Variants in ASAP1 observed in about 807,000 individuals in gnomAD.
The protein encoded by ASAP1 is arf-GAP with SH3 domain, ANK repeat and PH domain-containing protein 1.
ASAP1 carries 43 observed loss-of-function variants against 145.2 expected under a neutral mutation model. The ratio of observed to expected loss-of-function variants is 0.30; its 90% CI spans 0.23 to 0.38. The LOEUF (loss-of-function observed/expected upper bound fraction) is 0.38. Among genes scored for constraint, ASAP1 ranks in the 10% least tolerant of loss-of-function variants. The pLI, the probability that ASAP1 is intolerant of heterozygous loss-of-function variation, is 1.00. For synonymous variants in ASAP1, 546 were observed against 515.5 expected (o/e 1.06, Z -0.80); for missense variants, 1,018 against 1,355.3 (o/e 0.75, Z 3.91).
At chr8:130,424,219 G>A (rs955222813) in intron 1 of ASAP1, among the ~76,000 whole-genome samples, 7 of 152,300 alleles carry the variant, frequency 4.6e-5, no homozygotes, top group Admixed American at 2.0e-4. Context: ...ATGAGACTGC[G>A]GCTGCCCATT....
At chr8:130,114,446 C>T (rs1168984661) in intron 23 of ASAP1, among the ~76,000 whole-genome samples, 2 of 152,164 alleles carry the variant, frequency 1.3e-5, no homozygotes, top group Admixed American at 6.5e-5. Context: ...AGGACACTTT[C>T]CATAAATGGA....
intron 3 of ASAP1, among the ~76,000 whole-genome samples, chr8:130,268,669 A>T (rs1820413403): frequency 1.3e-5 from 2 of 152,142 alleles, no homozygotes; most frequent in Admixed American, 1.3e-4. Context: ...AATAACTAAA[A>T]ATAGTTGGGT....
At position 130,401,916 on chromosome 8, in the gene ASAP1, T is replaced by C; in HGVS notation, c.28A>G (p.Ser10Gly). 6.2e-7 allele frequency: 1 copy of C among 1,613,624 alleles called. No homozygotes were observed. Among genetic ancestry groups the C allele is most frequent in the Non-Finnish European group, 8.5e-7 (1 of 1,179,918 alleles). The change falls in exon 2 of 30, where the codon AGT (serine) becomes GGT (glycine). Residue 10 changes from serine to glycine, a missense_variant. This residue lies in a region of ASAP1 where 106 missense variants were observed against 134.5 expected (regional missense o/e 0.79). Transcript: ENST00000518721. MRSSASRLS[S>G]FSSRDSLWNR... The stretch of plus-strand genomic sequence containing the variant: ...CATAGTGAATCTCTCGACGAAAAAC[T>C]GGAGAGCCTGGAGGCTGAAGATCTC...
At chr8:130,352,739 G>A (rs1315418661) in intron 3 of ASAP1, among the ~76,000 whole-genome samples, 1 of 152,054 alleles carries the variant, frequency 6.6e-6, no homozygotes, top group Admixed American at 6.5e-5. Flanking sequence ...GGTGAAAAAA[G>A]GTATTAAATA....
intron 2 of ASAP1, among the ~76,000 whole-genome samples, chr8:130,395,614 G>A (rs144086934): frequency 4.3e-4 from 66 of 152,224 alleles, no homozygotes; most frequent in African/African-American, 1.5e-3. Flanking sequence ...GAGGAAGCAC[G>A]ACACTGCCAA....
chr8:130,186,908 T>C (rs1019902489), intron 7 of ASAP1, among the ~76,000 whole-genome samples: 1 of 152,166 alleles, frequency 6.6e-6, no homozygotes, highest in South Asian at 2.1e-4. Flanking sequence ...TACAGAAACA[T>C]AAATGGTCCA....
chr8:130,267,953 A>G (rs1325195183), intron 3 of ASAP1, among the ~76,000 whole-genome samples: 1 of 152,168 alleles, frequency 6.6e-6, no homozygotes, highest in Non-Finnish European at 1.5e-5. Context: ...ACAAAGCAAC[A>G]TGGCAGCACA....
chr8:130,112,046 C>A, intron 24 of ASAP1, 48 bp downstream of exon 24: 1 of 1,542,616 alleles, frequency 6.5e-7, no homozygotes, highest in South Asian at 1.1e-5. Flanking sequence ...AGGATGGAGT[C>A]ACAAGCCCTT....
chr8:130,235,521 C>T (rs1381193554), intron 4 of ASAP1, among the ~76,000 whole-genome samples: 1 of 152,056 alleles, frequency 6.6e-6, no homozygotes, highest in East Asian at 1.9e-4. Context: ...GGGCCTACCA[C>T]AGTGTGGGAG....
chr8:130,165,460 A>C (rs939775938), intron 11 of ASAP1, among the ~76,000 whole-genome samples: 28 of 152,198 alleles, frequency 1.8e-4, no homozygotes, highest in African/African-American at 6.3e-4. Flanking sequence ...ATTCAAAGAG[A>C]CCACATTTCT....
rs1234676521 is a variant in ASAP1 at position 130,143,675 on chromosome 8, A to G, written c.1081-6637T>C. ...GCTGTTTAGCTAGGAAAATCATCAA[A>G]TAAGTAAGTAGAAATGCATGCAGAA... On this transcript the variant is annotated intron_variant, in intron 13 of 29. Transcript: ENST00000518721. Among the ~76,000 whole-genome samples the G allele has an allele frequency of 2.0e-5, 3 of 152,344 alleles. No homozygotes were observed. In the East Asian group the frequency reaches 5.8e-4, roughly 29 times the overall value.
chr8:130,256,742 TATATATATA>T (rs1819548562), intron 3 of ASAP1, among the ~76,000 whole-genome samples: 2 of 24,372 alleles, frequency 8.2e-5, no homozygotes, highest in Non-Finnish European at 1.7e-4. Flanking sequence ...CACATTCTTA[TATATATATA>T]TATATATATA....
chr8:130,293,641 A>G (rs1235128263), intron 3 of ASAP1, among the ~76,000 whole-genome samples: 1 of 151,898 alleles, frequency 6.6e-6, no homozygotes, highest in Non-Finnish European at 1.5e-5. Flanking sequence ...TTTCCAAATC[A>G]GCTTTGCACA....
chr8:130,152,620 T>A, intron 13 of ASAP1, 116 bp downstream of exon 13: 5 of 564,308 alleles, frequency 8.9e-6, no homozygotes, highest in South Asian at 4.1e-5. Flanking sequence ...TAAAGGAATA[T>A]CTAAAATGAT....
intron 1 of ASAP1, among the ~76,000 whole-genome samples, chr8:130,438,363 G>C (rs570312265): frequency 6.6e-6 from 1 of 152,126 alleles, no homozygotes; most frequent in African/African-American, 2.4e-5. Context: ...TGTCCTAATC[G>C]AACCACACAC....
chr8:130,400,068 C>T (rs1394605942), intron 2 of ASAP1, among the ~76,000 whole-genome samples: 2 of 152,150 alleles, frequency 1.3e-5, no homozygotes, highest in African/African-American at 2.4e-5. Context: ...GATCCGCCCA[C>T]CTCGGCCTCC....
intron 3 of ASAP1, among the ~76,000 whole-genome samples, chr8:130,262,170 G>A (rs1819940244): frequency 6.6e-6 from 1 of 151,888 alleles, no homozygotes. Context: ...GCCAAAGTGG[G>A]TGGATCACGA....
intron 2 of ASAP1, among the ~76,000 whole-genome samples, chr8:130,389,707 TA>T (rs1336887542): frequency 1.3e-5 from 2 of 152,198 alleles, no homozygotes; most frequent in African/African-American, 4.8e-5. Flanking sequence ...TTTATTTATT[TA>T]TTTTTTTCCT....
chr8:130,285,316 T>C (rs1352515393), intron 3 of ASAP1, among the ~76,000 whole-genome samples: 1 of 151,096 alleles, frequency 6.6e-6, no homozygotes, highest in Non-Finnish European at 1.5e-5. Flanking sequence ...AACCACCAAG[T>C]TGGAAAGAAA....
Sources: gnomAD v4.1 joint callset for allele counts (sites outside exome capture counted in the v4.1 genomes callset) on GRCh38, gnomAD v4.1.1 for gene constraint, gnomAD v4.1.1 regional missense constraint, MANE v1.5 for transcripts, NCBI Gene and HGNC (gene_info 2026-07-23, HGNC 2026-07-21) for gene names.